Variants in DGKB observed in about 807,000 individuals in gnomAD.
DGKB encodes 90 kDa diacylglycerol kinase.
Under a neutral mutation model 114.3 loss-of-function variants are expected in DGKB, and 67 were observed. The observed-to-expected ratio is 0.59, with a 90% CI of 0.48 to 0.72. DGKB has a LOEUF of 0.72. DGKB is among the 30% of genes least tolerant of loss of function. The probability of loss-of-function intolerance (pLI) is 0.00; values close to 1 mark genes in which losing one functional copy is unlikely to be tolerated. For missense variants in DGKB, 907 were observed against 975.2 expected (o/e 0.93, Z 0.93); for synonymous variants, 398 against 323.1 (o/e 1.23, Z -2.49).
chr7:14,343,719 T>C (rs1159024279), intron 22 of DGKB, among the ~76,000 whole-genome samples: 1 of 151,334 alleles, frequency 6.6e-6, no homozygotes, highest in Non-Finnish European at 1.5e-5. Flanking sequence ...TATTTGAGCA[T>C]AATTTTTGAG....
At position 14,403,849 on chromosome 7, in the gene DGKB, A is replaced by T. The variant is rs376850165; in HGVS notation, c.1836-58458T>A. ...GCTAGACAAAGACACCTAAAATCAG[A>T]ACCTGTGATACTCATCTAAGCTTTG... On this transcript the variant is annotated intron_variant, in intron 21 of 25. Transcript: ENST00000402815. Among the ~76,000 whole-genome samples, 4 of 151,976 alleles carry T rather than the reference A, an allele frequency of 2.6e-5. No individual in the cohort carries two copies. The East Asian group carries it at 7.7e-4, about 29-fold the overall frequency.
At chr7:14,719,489 C>A (rs1206156537) in intron 5 of DGKB, among the ~76,000 whole-genome samples, 2 of 140,060 alleles carry the variant, frequency 1.4e-5, no homozygotes, top group Non-Finnish European at 3.2e-5. Context: ...TGAAGATAAA[C>A]CGCAATTATC....
chr7:14,248,086 A>G, intron 23 of DGKB, among the ~76,000 whole-genome samples: 1 of 151,976 alleles, frequency 6.6e-6, no homozygotes, highest in Non-Finnish European at 1.5e-5. Context: ...AGGTTTCCCA[A>G]CACCATTTGT....
chr7:14,580,243 G>C (rs192526999), intron 19 of DGKB, among the ~76,000 whole-genome samples: 1 of 152,074 alleles, frequency 6.6e-6, no homozygotes, highest in Non-Finnish European at 1.5e-5. Flanking sequence ...TCATTATCTA[G>C]CTAGCAGTTT....
intron 13 of DGKB, among the ~76,000 whole-genome samples, chr7:14,667,454 G>A (rs1211018876): frequency 6.6e-6 from 1 of 151,984 alleles, no homozygotes; most frequent in Non-Finnish European, 1.5e-5. Context: ...TTTTTATAAT[G>A]TGATAGAGAT....
intron 13 of DGKB, among the ~76,000 whole-genome samples, chr7:14,658,130 T>C (rs1036579334): frequency 1.3e-5 from 2 of 151,848 alleles, no homozygotes; most frequent in African/African-American, 4.8e-5. Flanking sequence ...GAAGTTAATA[T>C]GACATATGGT....
At position 14,338,565 on chromosome 7, in the gene DGKB, T is replaced by C. The variant is rs770838323; in HGVS notation, c.2072A>G (p.Asp691Gly). ...SHRRIEKKGS[D>G]KRTTVTDAKE... is the part of the protein sequence containing the mutation. Reference sequence around the variant, plus strand: ...GGCATCTGTGACGGTGGTCCTTTTGTCAGACCCTTTTTTCTCTATTCGTCG... The same window carrying C: ...GGCATCTGTGACGGTGGTCCTTTTGCCAGACCCTTTTTTCTCTATTCGTCG... Residue 691 changes from aspartate to glycine, a missense_variant, in exon 23 of 26, where the codon GAC becomes GGC. Asp to Gly is a moderately conservative substitution (Grantham distance 94). This residue lies in a region of DGKB where 814 missense variants were observed against 856.6 expected (regional missense o/e 0.95). Coordinates refer to ENST00000402815, the MANE Select transcript of DGKB (RefSeq NM_001350709.2). The C allele has an allele frequency of 1.2e-6, 2 of 1,608,166 alleles. No homozygotes were observed. Among genetic ancestry groups the C allele is most frequent in the East Asian group, 4.5e-5 (2 of 44,674 alleles).
chr7:14,317,457 G>A (rs1806801287), intron 23 of DGKB, among the ~76,000 whole-genome samples: 2 of 150,696 alleles, frequency 1.3e-5, no homozygotes, highest in South Asian at 4.2e-4. Context: ...CAAAATCAAT[G>A]TGCAAAAATC....
Position 14,841,253 on chromosome 7 carries a change from T to C in DGKB, c.11A>G (p.Gln4Arg), listed in dbSNP as rs1447142899. The change falls in exon 2 of 26, where the codon CAG becomes CGG. Residue 4 changes from glutamine (Q) to arginine (R), a missense_variant. Physicochemically the swap from Gln to Arg is conservative, Grantham distance 43 (BLOSUM62 1). This residue lies in a region of DGKB where 814 missense variants were observed against 856.6 expected (regional missense o/e 0.95). Transcript: ENST00000402815. ...AGGGCTGAGGTGGGCCCATTTTTCC[T>C]GGTTTGTCATGGTGGTGGTGAGAAG... MTN[Q>R]EKWAHLSPSE... 2 of 1,613,512 alleles carry C rather than the reference T, an allele frequency of 1.2e-6. No homozygotes were observed. Among genetic ancestry groups the C allele is most frequent in the Admixed American group, 3.3e-5 (2 of 59,984 alleles).
chr7:14,188,576 C>T (rs1354733032), intron 23 of DGKB, among the ~76,000 whole-genome samples: 2 of 136,394 alleles, frequency 1.5e-5, no homozygotes, highest in African/African-American at 2.7e-5. Flanking sequence ...AGGAGAATGG[C>T]GTGAACCCGG....
chr7:14,833,138 G>A (rs1307257417), intron 2 of DGKB, among the ~76,000 whole-genome samples: 1 of 151,954 alleles, frequency 6.6e-6, no homozygotes, highest in Non-Finnish European at 1.5e-5. Context: ...CCTGTAACAT[G>A]TGCTTATCTC....
intron 25 of DGKB, among the ~76,000 whole-genome samples, chr7:14,165,014 C>T (rs143953977): frequency 0.018 from 2,805 of 152,178 alleles, 33 homozygotes; most frequent in Non-Finnish European, 0.028. Flanking sequence ...CCAGAAGTCA[C>T]TAAAAAAGCA....
At chr7:14,736,856 C>T (rs1180619152) in intron 4 of DGKB, among the ~76,000 whole-genome samples, 1 of 152,128 alleles carries the variant, frequency 6.6e-6, no homozygotes, top group Admixed American at 6.5e-5. Context: ...GTTCTCCATG[C>T]CCATTAGCGG....
intron 23 of DGKB, among the ~76,000 whole-genome samples, chr7:14,281,576 C>G (rs1223286210): frequency 8.8e-5 from 13 of 147,040 alleles, no homozygotes; most frequent in Admixed American, 2.7e-4. Context: ...CAGCACCACA[C>G]CACACCTATT....
intron 4 of DGKB, among the ~76,000 whole-genome samples, chr7:14,751,803 C>A (rs1463650229): frequency 6.6e-6 from 1 of 152,086 alleles, no homozygotes; most frequent in Non-Finnish European, 1.5e-5. Flanking sequence ...AAAATGAGGT[C>A]CTGAGAAAAT....
chr7:14,733,948 A>G (rs1831312928), intron 5 of DGKB, among the ~76,000 whole-genome samples: 3 of 151,584 alleles, frequency 2.0e-5, no homozygotes, highest in South Asian at 4.2e-4. Flanking sequence ...TCAACCATCT[A>G]TTTCTTAATT....
chr7:14,250,992 T>C (rs1795153259), intron 23 of DGKB, among the ~76,000 whole-genome samples: 1 of 152,182 alleles, frequency 6.6e-6, no homozygotes, highest in African/African-American at 2.4e-5. Context: ...ATCTCTTGAT[T>C]TCTGTAAACT....
intron 13 of DGKB, among the ~76,000 whole-genome samples, chr7:14,647,953 G>C (rs190290321): frequency 6.6e-6 from 1 of 152,184 alleles, no homozygotes; most frequent in African/African-American, 2.4e-5. Flanking sequence ...AAAAAATGGC[G>C]CACCATGAGA....
intron 21 of DGKB, among the ~76,000 whole-genome samples, chr7:14,347,117 G>C (rs1411678860): frequency 6.6e-6 from 1 of 151,858 alleles, no homozygotes; most frequent in African/African-American, 2.4e-5. Flanking sequence ...GTTTGTTAAG[G>C]GAGGCAGGAA....
Sources: gnomAD v4.1 joint callset for allele counts (sites outside exome capture counted in the v4.1 genomes callset) on GRCh38, gnomAD v4.1.1 for gene constraint, gnomAD v4.1.1 regional missense constraint, MANE v1.5 for transcripts, NCBI Gene and HGNC (gene_info 2026-07-23, HGNC 2026-07-21) for gene names.